Variants in CCDC116 observed in about 807,000 individuals in gnomAD.
CCDC116 encodes coiled-coil domain containing 116, also known as coiled-coil domain-containing protein 116.
In CCDC116, 24 loss-of-function variants were observed where a neutral mutation model predicts 29.4. The ratio of observed to expected loss-of-function variants is 0.82; its 90% CI spans 0.59 to 1.15. The LOEUF (loss-of-function observed/expected upper bound fraction) is 1.15. Ranked by LOEUF, CCDC116 falls within the 50% of genes most tolerant of loss-of-function variation. CCDC116 has a pLI of 0.00. For missense variants in CCDC116, 791 were observed against 804.0 expected (o/e 0.98, Z 0.20); for synonymous variants, 298 against 331.4 (o/e 0.90, Z 1.10).
chr22:21,637,044 G>A lies in CCDC116; in HGVS notation c.1816G>A (p.Glu606Lys), dbSNP rs777423951. Residue 606 changes from glutamate to lysine, a missense_variant, in exon 5 of 5, where the codon GAG (glutamate) becomes AAG (lysine). By Grantham distance (56) the Glu-to-Lys change is moderately conservative. Coordinates refer to ENST00000292779, the MANE Select transcript of CCDC116 (RefSeq NM_152612.3). Reference protein sequence around the residue: ...EDEFKDEDQDEDKDEDGV With the variant: ...EDEFKDEDQDKDKDEDGV ...TGAGTTCAAGGATGAAGACCAGGAT[G>A]AGGACAAGGATGAGGATGGAGTCTA... The A allele has an allele frequency of 1.1e-5, 17 of 1,612,764 alleles. No homozygotes were observed. Among genetic ancestry groups the A allele is most frequent in the Non-Finnish European group, 1.3e-5 (15 of 1,179,834 alleles).
chr22:21,636,540 T>C lies in CCDC116; in HGVS notation c.1312T>C (p.Phe438Leu). The C allele has an allele frequency of 1.2e-6, 2 of 1,614,094 alleles. No homozygotes were observed. Among genetic ancestry groups the C allele is most frequent in the Non-Finnish European group, 1.7e-6 (2 of 1,180,006 alleles). Residue 438 changes from phenylalanine to leucine, a missense_variant, in exon 5 of 5, where the codon TTC (phenylalanine) becomes CTC (leucine). Physicochemically the swap from Phe to Leu is conservative, Grantham distance 22. Transcript: ENST00000292779. ...SNRLYEELAD[F>L]LTQQAASLVI... ...CCGCCTTTATGAGGAGCTCGCCGAC[T>C]TCCTGACCCAGCAGGCAGCCTCCTT...
Position 21,636,523 on chromosome 22 carries a change from A to G in CCDC116, c.1295A>G (p.Tyr432Cys). ...SSMSHFSNRL[Y>C]EELADFLTQQ... ...ATGTCTCACTTCTCCAACCGCCTTT[A>G]TGAGGAGCTCGCCGACTTCCTGACC... The change falls in exon 5 of 5, where the codon TAT (tyrosine) becomes TGT (cysteine). Residue 432 changes from tyrosine to cysteine, a missense_variant. Transcript: ENST00000292779. 2 of 1,614,036 alleles carry G rather than the reference A, an allele frequency of 1.2e-6. No individual in the cohort carries two copies. The highest frequency in any genetic ancestry group is 1.7e-6 in the Non-Finnish European group (2 of 1,180,006).
Position 21,632,832 on chromosome 22 carries a change from GTC to G in CCDC116, c.-63+7_-63+8del. 3 of 450,116 alleles carry G rather than the reference GTC, an allele frequency of 6.7e-6. No individual in the cohort carries two copies. The highest frequency in any genetic ancestry group is 6.0e-5 in the South Asian group (3 of 50,202). The allele number at this position is 450,116 out of a possible 1,614,324, so 27.9% of individuals were successfully genotyped here. On this transcript the variant is annotated splice_donor_region_variant and intron_variant, in intron 1 of 4. Transcript: ENST00000292779. ...CGGAGCAAGGCGGTGTTTCTGGTGA[GTC>G]TGTTGATTCTGGGCTGGGGTGAAAG...
At chr22:21,635,504 C>T (rs779637071) in intron 4 of CCDC116, 30 of 703,204 alleles carry the variant, frequency 4.3e-5, no homozygotes, top group African/African-American at 2.1e-4. Flanking sequence ...CCCCTACCCC[C>T]GCTCTTCCTG....
In CCDC116 at chr22:21,637,206, C is replaced by A; in HGVS notation, c.*136C>A. 7.4e-7 allele frequency: 1 copy of A among 1,350,606 alleles called. No individual in the cohort carries two copies. The highest frequency in any genetic ancestry group is 2.5e-5 in the East Asian group (1 of 39,402). The allele number at this position is 1,350,606 out of a possible 1,614,324, so 83.7% of individuals were successfully genotyped here. A position where few individuals can be genotyped will look rare whatever the true frequency, so the allele number is the denominator to read the frequency against. On this transcript the variant is annotated 3_prime_UTR_variant, in exon 5 of 5. Coordinates refer to ENST00000292779, the MANE Select transcript of CCDC116 (RefSeq NM_152612.3). ...TTGCTGCACATCACACCAGCCCCTG[C>A]CAAGAGCAGGAGTCACCACAGGCTG...
In CCDC116 at chr22:21,636,605, G is replaced by A. The variant is rs1286753443; in HGVS notation, c.1377G>A (p.Lys459=). 1 of 1,614,168 alleles carries A rather than the reference G, an allele frequency of 6.2e-7. No homozygotes were observed. The highest frequency in any genetic ancestry group is 1.1e-5 in the South Asian group (1 of 91,088). ...RKYEFEKDLS[K]QLGFFSFPIT... is the part of the protein sequence containing the mutation. ...ACGAGTTCGAAAAGGACCTCAGTAAGCAGCTGGGCTTCTTCTCCTTCCCCA... is the reference window on the plus strand; with the variant it reads ...ACGAGTTCGAAAAGGACCTCAGTAAACAGCTGGGCTTCTTCTCCTTCCCCA... The change falls in exon 5 of 5, where the codon AAG becomes AAA. Residue 459 remains lysine (K), a synonymous_variant. Transcript: ENST00000292779.
Position 21,634,508 on chromosome 22 carries a change from G to C in CCDC116, c.559G>C (p.Val187Leu), listed in dbSNP as rs1398354676. ...DLGAQGSLPP[V>L]RDKLLLEKNL... ...AGGTGCCCAAGGCTCATTGCCACCT[G>C]TGAGGGACAAACTCCTGCTGGAGAA... Residue 187 changes from valine to leucine, a missense_variant, in exon 3 of 5, where the codon GTG (valine) becomes CTG (leucine). Coordinates refer to ENST00000292779, the MANE Select transcript of CCDC116 (RefSeq NM_152612.3). 4 of 1,613,434 alleles carry C rather than the reference G, an allele frequency of 2.5e-6. No individual in the cohort carries two copies. Among genetic ancestry groups the C allele is most frequent in the Admixed American group, 3.3e-5 (2 of 59,970 alleles).
chr22:21,637,041 G>A lies in CCDC116; in HGVS notation c.1813G>A (p.Asp605Asn). 1 of 1,613,012 alleles carries A rather than the reference G, an allele frequency of 6.2e-7. No individual in the cohort carries two copies. ...GGATGAGTTCAAGGATGAAGACCAG[G>A]ATGAGGACAAGGATGAGGATGGAGT... ...DEDEFKDEDQ[D>N]EDKDEDGV Residue 605 changes from aspartate (D) to asparagine (N), a missense_variant, in exon 5 of 5, where the codon GAT becomes AAT. By Grantham distance (23) the Asp-to-Asn change is conservative (BLOSUM62 1). Coordinates refer to ENST00000292779, the MANE Select transcript of CCDC116 (RefSeq NM_152612.3).
Position 21,636,959 on chromosome 22 carries a change from G to C in CCDC116, c.1731G>C (p.Lys577Asn). The C allele has an allele frequency of 6.2e-7, 1 of 1,613,834 alleles. No individual in the cohort carries two copies. Among genetic ancestry groups the C allele is most frequent in the Non-Finnish European group, 8.5e-7 (1 of 1,180,046 alleles). ...CCGGCATGGGTTCCAGTCCCCCCAA[G>C]TCCAAGGACATGGACAATGAGGGCC... Reference protein sequence around the residue: ...ACTGMGSSPPKSKDMDNEGRD... With the variant: ...ACTGMGSSPPNSKDMDNEGRD... The change falls in exon 5 of 5, where the codon AAG becomes AAC. Residue 577 changes from lysine to asparagine, a missense_variant. Transcript: ENST00000292779.
intron 2 of CCDC116, among the ~76,000 whole-genome samples, chr22:21,633,675 A>T (rs1418568621): frequency 6.6e-6 from 1 of 152,008 alleles, no homozygotes; most frequent in Non-Finnish European, 1.5e-5. Flanking sequence ...CTGGAGGGAG[A>T]CTCCGAGAGA....
At position 21,636,548 on chromosome 22, in the gene CCDC116, C is replaced by T. The variant is rs373047152; in HGVS notation, c.1320C>T (p.Thr440=). The change falls in exon 5 of 5, where the codon ACC becomes ACT. Residue 440 remains threonine (T), a synonymous_variant. Coordinates refer to ENST00000292779, the MANE Select transcript of CCDC116 (RefSeq NM_152612.3). Reference sequence around the variant, plus strand: ...ATGAGGAGCTCGCCGACTTCCTGACCCAGCAGGCAGCCTCCTTGGTCATCC... The same window carrying T: ...ATGAGGAGCTCGCCGACTTCCTGACTCAGCAGGCAGCCTCCTTGGTCATCC... ...RLYEELADFL[T]QQAASLVIRK... 4.2e-5 allele frequency: 68 copies of T among 1,614,078 alleles called. No homozygotes were observed. The African/African-American group carries it at 7.6e-4, about 18-fold the overall frequency.
chr22:21,634,306 T>G lies in CCDC116; in HGVS notation c.357T>G (p.Ser119Arg). ...VEVQDPVEVP[S>R]GGRRAHARPS... The stretch of plus-strand genomic sequence containing the variant: ...TGCAGGACCCAGTGGAGGTGCCAAG[T>G]GGTGGACGGCGGGCACATGCCCGGC... Residue 119 changes from serine to arginine, a missense_variant, in exon 3 of 5, where the codon AGT (serine) becomes AGG (arginine). Ser to Arg is a moderately radical substitution (Grantham distance 110). Transcript: ENST00000292779. 1 of 1,613,190 alleles carries G rather than the reference T, an allele frequency of 6.2e-7. No individual in the cohort carries two copies. Among genetic ancestry groups the G allele is most frequent in the Middle Eastern group, 1.6e-4 (1 of 6,062 alleles).
intron 4 of CCDC116, 22 bp downstream of exon 4, chr22:21,635,288 A>G: frequency 6.3e-7 from 1 of 1,576,726 alleles, no homozygotes; most frequent in Non-Finnish European, 8.6e-7. Context: ...GGAGAAGCCC[A>G]ATGTCCCCAG....
Position 21,635,125 on chromosome 22 carries a change from TA to T in CCDC116, c.1065del (p.Lys355AsnfsTer85). The T allele has an allele frequency of 6.2e-7, 1 of 1,605,650 alleles. No homozygotes were observed. On this transcript the variant is annotated frameshift_variant, in exon 4 of 5. Transcript: ENST00000292779. LOFTEE classifies it high-confidence loss of function. ...TGCCGCCTCTGGGCTCTGAGCCAGC[TA>T]AACCCACCAATGGCGGGCAGCCCTA... ...DLPPLGSEPA[K>X]PTNGGQPYAS... is the part of the protein sequence containing the mutation.
Position 21,632,802 on chromosome 22 carries a change from C to T in CCDC116, c.-88C>T, listed in dbSNP as rs534395083. The T allele has an allele frequency of 3.1e-4, 125 of 398,618 alleles. No individual in the cohort carries two copies. The Admixed American group carries it at 3.5e-3, about 11-fold the overall frequency. 24.7% of individuals were successfully genotyped at this position (398,618 alleles called of 1,614,324 possible). A position where few individuals can be genotyped will look rare whatever the true frequency, so the allele number is the denominator to read the frequency against. ...CAGTGAGGGCGCAGACTGTACTGGC[C>T]TGTGCGGAGCAAGGCGGTGTTTCTG... is the stretch of plus-strand genomic sequence containing the variant. On this transcript the variant is annotated 5_prime_UTR_variant, in exon 1 of 5. Coordinates refer to ENST00000292779, the MANE Select transcript of CCDC116 (RefSeq NM_152612.3).
chr22:21,634,736 C>A lies in CCDC116; in HGVS notation c.673C>A (p.Leu225Met). 6.2e-7 allele frequency: 1 copy of A among 1,612,798 alleles called. No individual in the cohort carries two copies. ...SQRDSLLWDS[L>M]GSQTSFQWTQ... ...GAGGGACTCCCTGCTGTGGGATTCG[C>A]TGGGTAGCCAGACCAGCTTTCAGTG... The change falls in exon 4 of 5, where the codon CTG becomes ATG. Residue 225 changes from leucine to methionine, a missense_variant. Coordinates refer to ENST00000292779, the MANE Select transcript of CCDC116 (RefSeq NM_152612.3).
In CCDC116 at chr22:21,636,461, G is replaced by C. The variant is rs568639577; in HGVS notation, c.1233G>C (p.Lys411Asn). The change falls in exon 5 of 5, where the codon AAG (lysine) becomes AAC (asparagine). Residue 411 changes from lysine to asparagine, a missense_variant. Transcript: ENST00000292779. ...CCTGCAGCAGCAGCAGGTTCACGAA[G>C]AAGAAGCCGCTGCCCTCCATCTCGT... ...KSPCSSSRFT[K>N]KKPLPSISSK... The C allele has an allele frequency of 2.5e-4, 404 of 1,613,598 alleles. 2 individuals carry two copies. The South Asian group carries it at 4.2e-3, about 17-fold the overall frequency.
At chr22:21,635,581 C>T (rs766466372) in intron 4 of CCDC116, 1 of 703,036 alleles carries the variant, frequency 1.4e-6, no homozygotes, top group South Asian at 1.5e-5. Context: ...CAGAGGTGAC[C>T]TCCTCAAAAG....
chr22:21,635,524 C>A (rs1930764989), intron 4 of CCDC116: 2 of 703,042 alleles, frequency 2.8e-6, no homozygotes, highest in South Asian at 3.0e-5. Context: ...GCTACCTTCT[C>A]CCTGAGCTCT....
Sources: gnomAD v4.1 joint callset for allele counts (sites outside exome capture counted in the v4.1 genomes callset) on GRCh38, gnomAD v4.1.1 for gene constraint, MANE v1.5 for transcripts, NCBI Gene and HGNC (gene_info 2026-07-23, HGNC 2026-07-21) for gene names.